Variants in COL4A5 observed in about 807,000 individuals in gnomAD.
COL4A5 encodes collagen alpha-5(IV) chain.
A neutral mutation model predicts 130.2 loss-of-function variants in COL4A5; 26 were observed. That is an observed-to-expected ratio of 0.20 (90% CI 0.15 to 0.28). The LOEUF is 0.28. Among genes scored for constraint, COL4A5 ranks in the 10% least tolerant of loss-of-function variants. The pLI is 1.00. For synonymous variants in COL4A5, 496 were observed against 439.6 expected, an observed-to-expected ratio of 1.13 and a Z score of -1.60; for missense variants, 1,131 against 1,344.3, an observed-to-expected ratio of 0.84 and a Z score of 2.48.
At chrX:108,617,759 C>T (rs1242207565) in intron 30 of COL4A5, among the ~76,000 whole-genome samples, 2 of 111,710 alleles carry the variant, frequency 1.8e-5, no homozygotes, top group Admixed American at 9.5e-5. Flanking sequence ...CAGATCATAT[C>T]ATAACCAGAA....
At position 108,542,109 on chromosome X, in the gene COL4A5, A is replaced by AT. The variant is rs1010581249; in HGVS notation, c.141+2313dup. Among the ~76,000 whole-genome samples, 20 of 110,930 alleles carry AT rather than the reference A, an allele frequency of 1.8e-4. No homozygotes were observed. In the South Asian group the frequency reaches 1.9e-3, roughly 11 times the overall value. On this transcript the variant is annotated intron_variant, in intron 2 of 52. Transcript: ENST00000328300. ...AGTAATGGAAACTGTATTTTATTTA[A>AT]TTTTTTTTTATTGTTATACTTTAAG...
chrX:108,596,283 AT>A (rs1269813074), intron 22 of COL4A5, among the ~76,000 whole-genome samples: 1 of 112,245 alleles, frequency 8.9e-6, no homozygotes, highest in Non-Finnish European at 1.9e-5. Context: ...TCTTGTAGAC[AT>A]TATTGGACAT....
chrX:108,461,686 C>T (rs1424698262), intron 1 of COL4A5, among the ~76,000 whole-genome samples: 1 of 110,898 alleles, frequency 9.0e-6, no homozygotes, highest in Non-Finnish European at 1.9e-5. Context: ...CCTCACCTCC[C>T]GGGTTCAAGC....
chrX:108,655,343 C>T lies in COL4A5; in HGVS notation c.3259C>T (p.Leu1087=). Residue 1087 remains leucine, a synonymous_variant, in exon 37 of 53, where the codon CTG becomes TTG. Coordinates refer to ENST00000328300, the MANE Select transcript of COL4A5 (RefSeq NM_033380.3). ...TTCGTGTTTTCAGGGTGAGCCTGGT[C>T]TGCCTGGATACCCAGGGAACCCTGG... ...GLPGPKGEPG[L]PGYPGNPGIK... 2 of 1,210,051 alleles carry T rather than the reference C, an allele frequency of 1.7e-6. No individual in the cohort carries two copies. The highest frequency in any genetic ancestry group is 1.1e-6 in the Non-Finnish European group (1 of 894,745).
intron 2 of COL4A5, among the ~76,000 whole-genome samples, chrX:108,550,038 A>G (rs1426453381): frequency 1.8e-5 from 2 of 111,778 alleles, no homozygotes; most frequent in Non-Finnish European, 3.8e-5. Flanking sequence ...TGAATTATCA[A>G]CCCTTCCAAC....
At chrX:108,564,397 A>G (rs764196670) in intron 4 of COL4A5, among the ~76,000 whole-genome samples, 17 of 111,796 alleles carry the variant, frequency 1.5e-4, no homozygotes, top group Non-Finnish European at 3.0e-4. Flanking sequence ...CCACTGTATT[A>G]AAGAATAACT....
chrX:108,674,869 C>A, intron 43 of COL4A5, 116 bp downstream of exon 43: 4 of 697,275 alleles, frequency 5.7e-6, no homozygotes, highest in Non-Finnish European at 8.3e-6. Flanking sequence ...GTGCTGTTAT[C>A]CTCAAGCTGG....
chrX:108,671,619 C>T (rs888650780), intron 42 of COL4A5, among the ~76,000 whole-genome samples: 32 of 111,367 alleles, frequency 2.9e-4, no homozygotes, highest in African/African-American at 1.0e-3. Flanking sequence ...TTATTTACAG[C>T]CAAGGAGCAG....
At chrX:108,548,673 G>C (rs2065704057) in intron 2 of COL4A5, among the ~76,000 whole-genome samples, 1 of 110,745 alleles carries the variant, frequency 9.0e-6, no homozygotes, top group Non-Finnish European at 1.9e-5. Flanking sequence ...CTATACCTAG[G>C]CCCATCATAA....
intron 19 of COL4A5, among the ~76,000 whole-genome samples, chrX:108,587,593 A>T (rs2147789970): frequency 8.9e-6 from 1 of 112,022 alleles, no homozygotes; most frequent in Non-Finnish European, 1.9e-5. Context: ...AAGTGCAGAT[A>T]TCTCTTTGAA....
At chrX:108,572,210 G>A (rs2066075746) in intron 8 of COL4A5, among the ~76,000 whole-genome samples, 1 of 111,432 alleles carries the variant, frequency 9.0e-6, no homozygotes, top group Non-Finnish European at 1.9e-5. Context: ...AGTCTTCTAT[G>A]TAAGGTCATT....
intron 1 of COL4A5, among the ~76,000 whole-genome samples, chrX:108,482,511 C>T (rs1313887662): frequency 9.0e-6 from 1 of 111,008 alleles, no homozygotes; most frequent in Non-Finnish European, 1.9e-5. Flanking sequence ...GCTATTCCTT[C>T]TGGCAAAAAA....
At chrX:108,468,073 C>A (rs1413752376) in intron 1 of COL4A5, among the ~76,000 whole-genome samples, 1 of 111,612 alleles carries the variant, frequency 9.0e-6, no homozygotes, top group East Asian at 2.8e-4. Context: ...TTATATACAT[C>A]TTATACACAT....
At chrX:108,483,927 CTATT>C (rs1371379972) in intron 1 of COL4A5, among the ~76,000 whole-genome samples, 1 of 112,018 alleles carries the variant, frequency 8.9e-6, no homozygotes, top group Non-Finnish European at 1.9e-5. Context: ...TGGGAAATGT[CTATT>C]TAGATCTTTT....
intron 28 of COL4A5, among the ~76,000 whole-genome samples, chrX:108,606,193 T>A (rs1392105358): frequency 8.9e-6 from 1 of 111,955 alleles, no homozygotes; most frequent in Non-Finnish European, 1.9e-5. Context: ...AAAAGTAAAA[T>A]GAATAATACA....
chrX:108,658,864 T>A (rs2067897169), intron 37 of COL4A5, among the ~76,000 whole-genome samples: 1 of 111,316 alleles, frequency 9.0e-6, no homozygotes, highest in Non-Finnish European at 1.9e-5. Flanking sequence ...CGTAAGTGAT[T>A]TTCTCTACCA....
chrX:108,681,464 C>A (rs777105846), intron 46 of COL4A5, among the ~76,000 whole-genome samples: 1 of 110,423 alleles, frequency 9.1e-6, no homozygotes, highest in Non-Finnish European at 1.9e-5. Flanking sequence ...TCCCCTGACA[C>A]CAGTGTTCAC....
Position 108,539,795 on chromosome X carries a change from A to G in COL4A5, c.131A>G (p.Lys44Arg). 8.3e-7 allele frequency: 1 copy of G among 1,203,924 alleles called. No homozygotes were observed. Among genetic ancestry groups the G allele is most frequent in the Middle Eastern group, 2.3e-4 (1 of 4,331 alleles). ...TCAAAGTGTGACTGCAGTGGCATAA[A>G]AGGGGAAAAGGTGAGGTCTTAGATT... ...PGSKCDCSGI[K>R]GEKGERGFPG... Residue 44 changes from lysine to arginine, a missense_variant, in exon 2 of 53, where the codon AAA becomes AGA. Lys to Arg is a conservative substitution (Grantham distance 26). Transcript: ENST00000328300.
At chrX:108,528,219 A>G (rs1212772433) in intron 1 of COL4A5, among the ~76,000 whole-genome samples, 1 of 112,154 alleles carries the variant, frequency 8.9e-6, no homozygotes, top group Admixed American at 9.4e-5. Flanking sequence ...CACAGCCTTC[A>G]CTAATAACCA....
Sources: gnomAD v4.1 joint callset for allele counts (sites outside exome capture counted in the v4.1 genomes callset) on GRCh38, gnomAD v4.1.1 for gene constraint, MANE v1.5 for transcripts, NCBI Gene and HGNC (gene_info 2026-07-23, HGNC 2026-07-21) for gene names.